The following TIPRL variants were observed in gnomAD, a reference collection of about 807,000 sequenced individuals.
The protein encoded by TIPRL is TOR signaling pathway regulator, also known as TIP41-like protein.
In TIPRL, 10 loss-of-function variants were observed where a neutral mutation model predicts 32.3. The observed-to-expected ratio is 0.31, with a 90% CI of 0.19 to 0.52. The LOEUF (loss-of-function observed/expected upper bound fraction) is 0.52. Among genes scored for constraint, TIPRL ranks in the 20% least tolerant of loss-of-function variants. The pLI is 0.96. For missense variants in TIPRL, 250 were observed against 328.1 expected (o/e 0.76, Z 1.84); for synonymous variants, 100 against 114.0 (o/e 0.88, Z 0.78).
intron 5 of TIPRL, among the ~76,000 whole-genome samples, chr1:168,197,330 G>A (rs1470012376): frequency 6.6e-6 from 1 of 151,864 alleles, no homozygotes; most frequent in African/African-American, 2.4e-5. Context: ...ACAGTTAGTA[G>A]GTGGCAGAAT....
At chr1:168,190,056 T>A (rs1046558323) in intron 3 of TIPRL, among the ~76,000 whole-genome samples, 20 of 152,354 alleles carry the variant, frequency 1.3e-4, no homozygotes, top group African/African-American at 4.8e-4. Context: ...GGACGAAATT[T>A]ACAAGTGTGT....
At chr1:168,190,013 A>G (rs1700072994) in intron 3 of TIPRL, among the ~76,000 whole-genome samples, 1 of 152,236 alleles carries the variant, frequency 6.6e-6, no homozygotes, top group Admixed American at 6.5e-5. Flanking sequence ...GGATGTTAAA[A>G]ATGTGTTCCT....
At chr1:168,186,968 G>T (rs990439453) in intron 3 of TIPRL, among the ~76,000 whole-genome samples, 5 of 152,208 alleles carry the variant, frequency 3.3e-5, no homozygotes, top group South Asian at 2.1e-4. Context: ...GGAACTTAAT[G>T]ATTGTTATCT....
At position 168,200,151 on chromosome 1, in the gene TIPRL, T is replaced by A; in HGVS notation, c.*105T>A. ...ATTAATTGCCTTGTTTATGTACAGA[T>A]TTTCTGTAGCCTTAAAGGAAAAAAA... On this transcript the variant is annotated 3_prime_UTR_variant, in exon 7 of 7. Coordinates refer to ENST00000367833, the MANE Select transcript of TIPRL (RefSeq NM_152902.5). 1.6e-6 allele frequency: 2 copies of A among 1,270,404 alleles called. No individual in the cohort carries two copies. Among genetic ancestry groups the A allele is most frequent in the Non-Finnish European group, 2.1e-6 (2 of 943,470 alleles). 78.7% of individuals were successfully genotyped at this position (1,270,404 alleles called of 1,614,324 possible). A position where few individuals can be genotyped will look rare whatever the true frequency, so the allele number is the denominator to read the frequency against.
chr1:168,188,306 G>A lies in TIPRL; in HGVS notation c.385-3063G>A, dbSNP rs549378801. 4.5e-3 allele frequency among the ~76,000 whole-genome samples: 690 copies of A among 152,170 alleles called. 8 individuals are homozygous for A. The highest frequency in any genetic ancestry group is 0.024 in the Middle Eastern group (7 of 294). Reference sequence around the variant, plus strand: ...TTTTGTTTAGTTCTGACAGGCGCTCGAGAATATTCATAGTCAAGGACAGAG... The same window carrying A: ...TTTTGTTTAGTTCTGACAGGCGCTCAAGAATATTCATAGTCAAGGACAGAG... On this transcript the variant is annotated intron_variant, in intron 3 of 6. Transcript: ENST00000367833.
At chr1:168,179,814 T>C (rs1419972233) in intron 1 of TIPRL, among the ~76,000 whole-genome samples, 1 of 152,064 alleles carries the variant, frequency 6.6e-6, no homozygotes, top group African/African-American at 2.4e-5. Context: ...TGAGTTGTGA[T>C]GCGTTTTTGA....
At chr1:168,199,059 C>A in intron 6 of TIPRL, 78 bp downstream of exon 6, 1 of 1,097,430 alleles carries the variant, frequency 9.1e-7, no homozygotes, top group Non-Finnish European at 1.4e-6. Flanking sequence ...CCCCTGACCC[C>A]AACCACCCAA....
At chr1:168,198,527 G>A (rs1027954383) in intron 5 of TIPRL, among the ~76,000 whole-genome samples, 14 of 152,230 alleles carry the variant, frequency 9.2e-5, no homozygotes, top group Non-Finnish European at 1.3e-4. Context: ...GCACAATTAC[G>A]TAGGTAAATG....
At chr1:168,191,908 C>CATGTACAATTTCACTTGAATT (rs1436595676) in intron 4 of TIPRL, among the ~76,000 whole-genome samples, 1 of 148,828 alleles carries the variant, frequency 6.7e-6, no homozygotes, top group African/African-American at 2.5e-5. Context: ...AACATGATGT[C>CATGTACAATTTCACTTGAATT]ATGTACAATT....
chr1:168,197,006 GT>G (rs1700166012), intron 5 of TIPRL, among the ~76,000 whole-genome samples: 1 of 152,176 alleles, frequency 6.6e-6, no homozygotes, highest in African/African-American at 2.4e-5. Context: ...TATACAGGAA[GT>G]ACATTAATAT....
At chr1:168,180,539 T>C (rs1699947535) in intron 1 of TIPRL, among the ~76,000 whole-genome samples, 1 of 152,200 alleles carries the variant, frequency 6.6e-6, no homozygotes. Context: ...TTAAGGTATC[T>C]AGAAGTCATC....
chr1:168,186,331 A>T (rs1700027910), intron 3 of TIPRL, among the ~76,000 whole-genome samples: 1 of 151,814 alleles, frequency 6.6e-6, no homozygotes, highest in Non-Finnish European at 1.5e-5. Flanking sequence ...CCGCACCTCT[A>T]CTAAAAATGT....
intron 4 of TIPRL, among the ~76,000 whole-genome samples, chr1:168,194,660 C>T (rs1399005477): frequency 6.6e-6 from 1 of 152,182 alleles, no homozygotes; most frequent in Admixed American, 6.5e-5. Flanking sequence ...ATTTCTACAG[C>T]TTTCCTTTAC....
chr1:168,199,064 A>C, intron 6 of TIPRL, 83 bp downstream of exon 6: 1 of 1,006,736 alleles, frequency 9.9e-7, no homozygotes, highest in South Asian at 1.4e-5. Context: ...GACCCCAACC[A>C]CCCAAGTTTA....
intron 3 of TIPRL, among the ~76,000 whole-genome samples, chr1:168,185,751 CAGAGTG>C (rs1287620821): frequency 7.4e-6 from 1 of 135,870 alleles, no homozygotes; most frequent in African/African-American, 2.8e-5. Context: ...GCCTGGGTGA[CAGAGTG>C]AGACTCTGTC....
At position 168,191,349 on chromosome 1, in the gene TIPRL, T is replaced by C. The variant is rs1165556085; in HGVS notation, c.385-20T>C. 5.3e-6 allele frequency: 8 copies of C among 1,515,316 alleles called. No individual in the cohort carries two copies. Among genetic ancestry groups the C allele is most frequent in the African/African-American group, 2.9e-5 (2 of 68,202 alleles). The allele number at this position is 1,515,316 out of a possible 1,614,324, so 93.9% of individuals were successfully genotyped here. On this transcript the variant is annotated intron_variant, in intron 3 of 6. Transcript: ENST00000367833. ...CAACTTTTTTTTTAATGTGCTCCTC[T>C]TTAAAATTTTTTCTTTCAGGTTGTA...
At chr1:168,199,695 A>G (rs749572431) in intron 6 of TIPRL, among the ~76,000 whole-genome samples, 19 of 152,222 alleles carry the variant, frequency 1.2e-4, no homozygotes, top group Non-Finnish European at 1.8e-4. Context: ...ATTATAGATT[A>G]TATAACCCTG....
At chr1:168,180,820 C>CTTTTTTTTTTTTTTTTTTTTTT (rs71118909) in intron 1 of TIPRL, among the ~76,000 whole-genome samples, 2 of 124,166 alleles carry the variant, frequency 1.6e-5, no homozygotes, top group Non-Finnish European at 1.7e-5. Flanking sequence ...TTTTTTATAA[C>CTTTTTTTTTTTTTTTTTTTTTT]TTTTTTTTTT....
At position 168,200,411 on chromosome 1, in the gene TIPRL, A is replaced by G. The variant is rs892575593; in HGVS notation, c.*365A>G. 15 of 166,302 alleles carry G rather than the reference A, an allele frequency of 9.0e-5. No homozygotes were observed. The highest frequency in any genetic ancestry group is 2.6e-5 in the Non-Finnish European group (2 of 76,920). 10.3% of individuals were successfully genotyped at this position (166,302 alleles called of 1,614,324 possible). On this transcript the variant is annotated 3_prime_UTR_variant, in exon 7 of 7. Coordinates refer to ENST00000367833, the MANE Select transcript of TIPRL (RefSeq NM_152902.5). ...GGTTAATGTAAATCACCAAATCCCA[A>G]TGCCTTGTGACTTTCATAGGATTCC...
Sources: allele counts gnomAD v4.1 joint callset (sites outside exome capture counted in the v4.1 genomes callset), GRCh38; gene constraint gnomAD v4.1.1; transcripts MANE v1.5; gene names NCBI Gene and HGNC (gene_info 2026-07-23, HGNC 2026-07-21).